Variants in CCDC178 observed in about 807,000 individuals in gnomAD.
CCDC178 encodes the protein coiled-coil domain-containing protein 178.
In CCDC178, 126 loss-of-function variants were observed where a neutral mutation model predicts 117.4. The ratio of observed to expected loss-of-function variants is 1.07; its 90% CI spans 0.93 to 1.24. CCDC178 has a LOEUF of 1.24. Among genes scored for constraint, CCDC178 ranks in the 50% most tolerant of loss-of-function variants. The pLI is 0.00. For synonymous variants in CCDC178, 283 were observed against 313.4 expected (o/e 0.90, Z 1.02); for missense variants, 1,030 against 986.9 (o/e 1.04, Z -0.59).
chr18:33,006,734 G>T (rs1436817799), intron 21 of CCDC178, among the ~76,000 whole-genome samples: 1 of 152,072 alleles, frequency 6.6e-6, no homozygotes, highest in East Asian at 1.9e-4. Flanking sequence ...TTGCAGATAA[G>T]AAGGGAGTCT....
chr18:32,967,222 A>G (rs2054833013), intron 22 of CCDC178, among the ~76,000 whole-genome samples: 1 of 151,250 alleles, frequency 6.6e-6, no homozygotes, highest in Non-Finnish European at 1.5e-5. Flanking sequence ...CACAACTCAC[A>G]GGTTTTGATA....
At chr18:32,952,924 C>T (rs895560670) in intron 22 of CCDC178, among the ~76,000 whole-genome samples, 1 of 151,948 alleles carries the variant, frequency 6.6e-6, no homozygotes, top group Non-Finnish European at 1.5e-5. Flanking sequence ...AGGCACCCAC[C>T]ACCATGCCTG....
At chr18:33,016,324 C>A (rs1029575905) in intron 21 of CCDC178, among the ~76,000 whole-genome samples, 2 of 151,696 alleles carry the variant, frequency 1.3e-5, no homozygotes, top group African/African-American at 2.4e-5. Flanking sequence ...CAGCAAAAAA[C>A]AAAAACAAAA....
chr18:33,272,128 G>A (rs2059898339), intron 12 of CCDC178, among the ~76,000 whole-genome samples: 1 of 151,326 alleles, frequency 6.6e-6, no homozygotes, highest in East Asian at 1.9e-4. Context: ...CCAAAAGTTT[G>A]TTCTTTGGAA....
chr18:33,207,024 C>A (rs2059052088), intron 20 of CCDC178, among the ~76,000 whole-genome samples: 1 of 152,136 alleles, frequency 6.6e-6, no homozygotes. Context: ...GTAATAAAGT[C>A]CTTTGTCTCT....
intron 5 of CCDC178, among the ~76,000 whole-genome samples, chr18:33,375,750 G>C (rs1211372392): frequency 6.6e-6 from 1 of 152,152 alleles, no homozygotes; most frequent in African/African-American, 2.4e-5. Flanking sequence ...ATGATGCCTG[G>C]TACAGAGGAT....
At chr18:33,415,445 G>A (rs964917541) in intron 2 of CCDC178, among the ~76,000 whole-genome samples, 8 of 151,214 alleles carry the variant, frequency 5.3e-5, no homozygotes, top group African/African-American at 7.3e-5. Context: ...GCAAACTATC[G>A]CAAGGACAAA....
At chr18:32,953,455 T>G (rs944925218) in intron 22 of CCDC178, among the ~76,000 whole-genome samples, 7 of 152,208 alleles carry the variant, frequency 4.6e-5, no homozygotes, top group African/African-American at 1.4e-4. Context: ...CCTTCCAAAC[T>G]GTTCCAACCT....
At chr18:33,353,414 TAAGG>T (rs1290768742) in intron 7 of CCDC178, among the ~76,000 whole-genome samples, 2 of 152,098 alleles carry the variant, frequency 1.3e-5, no homozygotes, top group South Asian at 2.1e-4. Context: ...TAATTACTGA[TAAGG>T]AAGGGATTAT....
At chr18:33,271,746 A>G (rs558419467) in intron 12 of CCDC178, among the ~76,000 whole-genome samples, 18 of 151,630 alleles carry the variant, frequency 1.2e-4, no homozygotes, top group African/African-American at 3.9e-4. Flanking sequence ...TTATAAATCA[A>G]TAACACAAAG....
At chr18:33,341,366 G>C (rs2062814978) in intron 9 of CCDC178, among the ~76,000 whole-genome samples, 1 of 152,176 alleles carries the variant, frequency 6.6e-6, no homozygotes, top group Non-Finnish European at 1.5e-5. Context: ...TGTCTCAGAT[G>C]AGACTTTGAA....
intron 12 of CCDC178, among the ~76,000 whole-genome samples, chr18:33,272,449 A>G (rs1268288020): frequency 6.6e-6 from 1 of 151,656 alleles, no homozygotes. Context: ...AAATTGCTTT[A>G]CTGGTGAATA....
intron 9 of CCDC178, among the ~76,000 whole-genome samples, chr18:33,340,300 G>C (rs1238794155): frequency 6.6e-6 from 1 of 152,134 alleles, no homozygotes; most frequent in Non-Finnish European, 1.5e-5. Flanking sequence ...ACCCTAAGCA[G>C]CGAAGCACTC....
chr18:33,366,018 G>A (rs1030029701), intron 6 of CCDC178, among the ~76,000 whole-genome samples: 9 of 151,994 alleles, frequency 5.9e-5, no homozygotes, highest in African/African-American at 7.2e-5. Context: ...AGAAAAGTCC[G>A]TGGCAGATGC....
At chr18:33,091,205 C>A (rs1287039420) in intron 21 of CCDC178, among the ~76,000 whole-genome samples, 20 of 151,032 alleles carry the variant, frequency 1.3e-4, no homozygotes, top group Admixed American at 1.3e-3. Flanking sequence ...AGTGATTGGA[C>A]AAATTCTTCA....
At chr18:33,277,448 T>TATC (rs1382300087) in intron 12 of CCDC178, among the ~76,000 whole-genome samples, 1 of 152,182 alleles carries the variant, frequency 6.6e-6, no homozygotes, top group African/African-American at 2.4e-5. Context: ...ATTGGAATAG[T>TATC]ATCATCTTAT....
chr18:33,075,082 A>G (rs1329561790), intron 21 of CCDC178, among the ~76,000 whole-genome samples: 1 of 152,192 alleles, frequency 6.6e-6, no homozygotes, highest in African/African-American at 2.4e-5. Context: ...GACATACTTC[A>G]ATCTTAAACA....
intron 11 of CCDC178, among the ~76,000 whole-genome samples, chr18:33,308,887 A>C (rs1197671946): frequency 6.6e-6 from 1 of 152,176 alleles, no homozygotes; most frequent in Non-Finnish European, 1.5e-5. Context: ...GAGGCCTCAC[A>C]AGCCTTGCAG....
intron 19 of CCDC178, 62 bp from the exon 20 acceptor site, chr18:33,212,117 T>G: frequency 1.5e-6 from 2 of 1,293,384 alleles, no homozygotes; most frequent in Non-Finnish European, 2.1e-6. Flanking sequence ...AAAATGCATT[T>G]ATGAGACATT....
Sources: allele counts gnomAD v4.1 joint callset (sites outside exome capture counted in the v4.1 genomes callset), GRCh38; gene constraint gnomAD v4.1.1; transcripts MANE v1.5; gene names NCBI Gene and HGNC (gene_info 2026-07-23, HGNC 2026-07-21).